The following EXD2 variants were observed in gnomAD, a reference collection of about 807,000 sequenced individuals.
EXD2 encodes the protein exonuclease 3'-5' domain-containing protein 2.
Under a neutral mutation model 62.5 loss-of-function variants are expected in EXD2, and 40 were observed. The ratio of observed to expected loss-of-function variants is 0.64; its 90% CI spans 0.50 to 0.83. The LOEUF (loss-of-function observed/expected upper bound fraction) is 0.83. EXD2 is among the 40% of genes least tolerant of loss of function. The probability of loss-of-function intolerance (pLI) is 0.00; values close to 1 mark genes in which losing one functional copy is unlikely to be tolerated. For missense variants in EXD2, 671 were observed against 761.8 expected (o/e 0.88, Z 1.40); for synonymous variants, 239 against 291.9 (o/e 0.82, Z 1.85).
chr14:69,230,523 T>C lies in EXD2; in HGVS notation c.642T>C (p.Val214=). The part of the protein sequence containing the change: ...GLSLKSLAET[V]LNFPLDKSLL... ...GCCTGAAGTCCCTCGCTGAGACTGT[T>C]TTGAACTTTCCCCTTGACAAGTCCC... The change falls in exon 5 of 10, where the codon GTT becomes GTC. Residue 214 remains valine (V), a synonymous_variant. Coordinates refer to ENST00000685843, the MANE Select transcript of EXD2 (RefSeq NM_001193360.2). 6.2e-7 allele frequency: 1 copy of C among 1,614,000 alleles called. No individual in the cohort carries two copies. The highest frequency in any genetic ancestry group is 8.5e-7 in the Non-Finnish European group (1 of 1,179,936).
At position 69,236,606 on chromosome 14, in the gene EXD2, T is replaced by C. The variant is rs895087439; in HGVS notation, c.1292+64T>C. ...GATGGAAATTGCTTTTGTAGCCATA[T>C]GCAGAGCCTTTGGGGGCTGTGGCTG... On this transcript the variant is annotated intron_variant, in intron 8 of 9. Transcript: ENST00000685843. The C allele has an allele frequency of 8.7e-6, 14 of 1,606,804 alleles. No individual in the cohort carries two copies. The African/African-American group carries it at 1.7e-4, about 20-fold the overall frequency.
Position 69,228,982 on chromosome 14 carries a change from G to T in EXD2, c.500G>T (p.Gly167Val). The change falls in exon 4 of 10, where the codon GGA (glycine) becomes GTA (valine). Residue 167 changes from glycine to valine, a missense_variant. Physicochemically the swap from Gly to Val is moderately radical, Grantham distance 109 (BLOSUM62 -3). Coordinates refer to ENST00000685843, the MANE Select transcript of EXD2 (RefSeq NM_001193360.2). Reference protein sequence around the residue: ...ADGTILKVGVGCSEDASKLLQ... With the variant: ...ADGTILKVGVVCSEDASKLLQ... ...GGCACCATTTTGAAAGTTGGAGTGG[G>T]ATGCTCAGAAGATGCCAGCAAGCTT... 6.2e-7 allele frequency: 1 copy of T among 1,614,212 alleles called. No individual in the cohort carries two copies. The highest frequency in any genetic ancestry group is 2.2e-5 in the East Asian group (1 of 44,882).
chr14:69,207,840 G>GA (rs1391601046), intron 2 of EXD2, among the ~76,000 whole-genome samples: 2 of 151,736 alleles, frequency 1.3e-5, no homozygotes, highest in African/African-American at 4.8e-5. Flanking sequence ...AGCTTGTGCC[G>GA]AATGGTTGCT....
chr14:69,242,855 G>A lies in EXD2; in HGVS notation c.*1755G>A, dbSNP rs959704532. The A allele has an allele frequency of 3.9e-5, 6 of 152,190 alleles. No homozygotes were observed. The highest frequency in any genetic ancestry group is 1.5e-5 in the Non-Finnish European group (1 of 68,026). The allele number at this position is 152,190 out of a possible 1,614,324, so 9.4% of individuals were successfully genotyped here. A position where few individuals can be genotyped will look rare whatever the true frequency, so the allele number is the denominator to read the frequency against. On this transcript the variant is annotated 3_prime_UTR_variant, in exon 10 of 10. Transcript: ENST00000685843. ...CAACTGGTTACTGAACGTAACTCAT[G>A]ACTTATGTTTCAAATTTTGCATAGC...
At chr14:69,199,251 GATAA>G (rs1344089196) in intron 1 of EXD2, among the ~76,000 whole-genome samples, 1 of 152,164 alleles carries the variant, frequency 6.6e-6, no homozygotes. Context: ...CTCAAGAAAA[GATAA>G]ATAGTGTTAC....
At chr14:69,207,528 T>TAAA (rs1462224785) in intron 2 of EXD2, among the ~76,000 whole-genome samples, 1 of 152,144 alleles carries the variant, frequency 6.6e-6, no homozygotes, top group Admixed American at 6.6e-5. Context: ...GATGAAACTT[T>TAAA]TAAATAGTAA....
intron 3 of EXD2, among the ~76,000 whole-genome samples, chr14:69,218,860 G>T (rs559741559): frequency 8.1e-4 from 124 of 152,174 alleles, no homozygotes; most frequent in Admixed American, 2.0e-3. Context: ...CCGTTCCAGT[G>T]GTCTATATCT....
At chr14:69,225,420 C>T (rs2043324263) in intron 3 of EXD2, among the ~76,000 whole-genome samples, 1 of 152,110 alleles carries the variant, frequency 6.6e-6, no homozygotes, top group South Asian at 2.1e-4. Context: ...CCATTGTTCT[C>T]TAAATGAATC....
intron 1 of EXD2, among the ~76,000 whole-genome samples, chr14:69,203,261 A>T (rs2042468729): frequency 6.6e-6 from 1 of 150,430 alleles, no homozygotes; most frequent in African/African-American, 2.4e-5. Context: ...TTTTAAGTAG[A>T]GATGGGATTT....
intron 2 of EXD2, among the ~76,000 whole-genome samples, chr14:69,206,147 C>A (rs1360824082): frequency 6.6e-6 from 1 of 152,064 alleles, no homozygotes; most frequent in Non-Finnish European, 1.5e-5. Context: ...TTTCAAACTC[C>A]TGGGCTCAAG....
At chr14:69,202,983 G>A (rs765893898) in intron 1 of EXD2, among the ~76,000 whole-genome samples, 25 of 152,178 alleles carry the variant, frequency 1.6e-4, no homozygotes, top group Non-Finnish European at 3.2e-4. Flanking sequence ...ATTTCATACA[G>A]CATTAATATA....
chr14:69,211,272 A>G (rs1339207764), intron 3 of EXD2, among the ~76,000 whole-genome samples: 1 of 151,988 alleles, frequency 6.6e-6, no homozygotes, highest in Admixed American at 6.6e-5. Context: ...CCAGGAGTAG[A>G]TTCCATCTCA....
intron 1 of EXD2, among the ~76,000 whole-genome samples, chr14:69,192,623 G>A (rs558092706): frequency 1.3e-5 from 2 of 152,052 alleles, no homozygotes; most frequent in African/African-American, 4.8e-5. Flanking sequence ...CACAAAATAA[G>A]AACTGTTGTC....
intron 1 of EXD2, among the ~76,000 whole-genome samples, chr14:69,195,228 A>G (rs946365952): frequency 1.0e-5 from 1 of 95,334 alleles, no homozygotes; most frequent in Non-Finnish European, 2.0e-5. Flanking sequence ...AAAAAAAAAA[A>G]AAAAGAGAGA....
At chr14:69,232,529 C>T (rs189476107) in intron 5 of EXD2, among the ~76,000 whole-genome samples, 11 of 152,248 alleles carry the variant, frequency 7.2e-5, no homozygotes, top group South Asian at 2.1e-4. Flanking sequence ...ATGAGGGTGT[C>T]GGGGTTCTGC....
At chr14:69,206,444 C>A (rs2042597696) in intron 2 of EXD2, among the ~76,000 whole-genome samples, 1 of 136,532 alleles carries the variant, frequency 7.3e-6, no homozygotes, top group Non-Finnish European at 1.5e-5. Flanking sequence ...GCTTCATCTC[C>A]CACCCACCCA....
chr14:69,195,757 A>G (rs1421856282), intron 1 of EXD2, among the ~76,000 whole-genome samples: 1 of 152,184 alleles, frequency 6.6e-6, no homozygotes, highest in South Asian at 2.1e-4. Context: ...GTGTAAAAGG[A>G]ATCATACAAT....
At chr14:69,195,006 C>A (rs768355754) in intron 1 of EXD2, among the ~76,000 whole-genome samples, 2 of 152,106 alleles carry the variant, frequency 1.3e-5, no homozygotes, top group African/African-American at 4.8e-5. Context: ...ATCACCAGGT[C>A]AAGAGTTTGA....
In EXD2 at chr14:69,240,963, C is replaced by G. The variant is rs988369560; in HGVS notation, c.1729C>G (p.Gln577Glu). The G allele has an allele frequency of 6.2e-7, 1 of 1,613,400 alleles. No homozygotes were observed. The highest frequency in any genetic ancestry group is 1.3e-5 in the African/African-American group (1 of 74,912). ...CCAGGGTGGCCTGCGCTCCCTCATG[C>G]AGCTGGAGAGCCGCTGGCGTCAGCA... is the stretch of plus-strand genomic sequence containing the variant. ...HSQGGLRSLM[Q>E]LESRWRQHFL... Residue 577 changes from glutamine to glutamate, a missense_variant, in exon 10 of 10, where the codon CAG becomes GAG. Gln to Glu is a conservative substitution (Grantham distance 29). Transcript: ENST00000685843.
Sources: gnomAD v4.1 joint callset for allele counts (sites outside exome capture counted in the v4.1 genomes callset) on GRCh38, gnomAD v4.1.1 for gene constraint, MANE v1.5 for transcripts, NCBI Gene and HGNC (gene_info 2026-07-23, HGNC 2026-07-21) for gene names.